SGPP2: variants seen among roughly 807,000 people sequenced by gnomAD.
SGPP2 encodes the protein sphingosine-1-phosphate phosphatase 2.
A neutral mutation model predicts 33.9 loss-of-function variants in SGPP2; 30 were observed. The ratio of observed to expected loss-of-function variants is 0.89; its 90% CI spans 0.66 to 1.20. The LOEUF (loss-of-function observed/expected upper bound fraction) is 1.20, where lower values mean the gene tolerates loss of function less well. SGPP2 is among the 50% of genes most tolerant of loss of function. The probability of loss-of-function intolerance (pLI) is 0.00; values close to 1 mark genes in which losing one functional copy is unlikely to be tolerated. For synonymous variants in SGPP2, 233 were observed against 225.0 expected, an observed-to-expected ratio of 1.04 and a Z score of -0.32; for missense variants, 458 against 532.1, an observed-to-expected ratio of 0.86 and a Z score of 1.37.
chr2:222,425,124 A>G (rs1187619921), intron 1 of SGPP2, among the ~76,000 whole-genome samples: 1 of 152,226 alleles, frequency 6.6e-6, no homozygotes, highest in Non-Finnish European at 1.5e-5. Flanking sequence ...CAAATATGTA[A>G]GAGTTACGTA....
At chr2:222,529,549 G>C (rs1184322081) in intron 4 of SGPP2, among the ~76,000 whole-genome samples, 1 of 152,024 alleles carries the variant, frequency 6.6e-6, no homozygotes, top group Non-Finnish European at 1.5e-5. Context: ...TGGCCAGGCT[G>C]GTCTTGAACC....
rs892896032 is a variant in SGPP2 at position 222,424,660 on chromosome 2, C to T, written c.58C>T (p.Arg20Cys). The change falls in exon 1 of 5, where the codon CGC becomes TGC. Residue 20 changes from arginine to cysteine, a missense_variant. Arg to Cys is a radical substitution (Grantham distance 180). Transcript: ENST00000321276. ...CCAGCTCGTCGCCCGCTTCCAGCGC[C>T]GCTGCGGGCTCTTCCCCGCTCCGGA... is the stretch of plus-strand genomic sequence containing the variant. Reference protein sequence around the residue: ...DSQLVARFQRRCGLFPAPDEG... With the variant: ...DSQLVARFQRCCGLFPAPDEG... 18 of 1,440,144 alleles carry T rather than the reference C, an allele frequency of 1.2e-5. No homozygotes were observed. The highest frequency in any genetic ancestry group is 1.2e-4 in the Admixed American group (5 of 40,690). The allele number at this position is 1,440,144 out of a possible 1,614,324, so 89.2% of individuals were successfully genotyped here.
chr2:222,468,305 A>G (rs1204801487), intron 1 of SGPP2, among the ~76,000 whole-genome samples: 2 of 152,014 alleles, frequency 1.3e-5, no homozygotes, highest in Admixed American at 1.3e-4. Context: ...AGTACTTTCA[A>G]TGAGTACTTT....
intron 1 of SGPP2, among the ~76,000 whole-genome samples, chr2:222,440,229 T>C (rs1697303630): frequency 6.6e-6 from 1 of 152,246 alleles, no homozygotes; most frequent in South Asian, 2.1e-4. Context: ...CACTGACTGC[T>C]GCTATGTGCC....
At chr2:222,434,844 T>C (rs925453257) in intron 1 of SGPP2, among the ~76,000 whole-genome samples, 2 of 151,734 alleles carry the variant, frequency 1.3e-5, no homozygotes, top group Non-Finnish European at 2.9e-5. Flanking sequence ...TGAAAGATAA[T>C]TAAAGGGTGG....
At chr2:222,487,184 G>A (rs992534681) in intron 2 of SGPP2, among the ~76,000 whole-genome samples, 3 of 152,188 alleles carry the variant, frequency 2.0e-5, no homozygotes, top group South Asian at 2.1e-4. Flanking sequence ...AGGATGGTTT[G>A]TTCCTCTTAA....
intron 4 of SGPP2, among the ~76,000 whole-genome samples, chr2:222,528,453 A>T (rs1698792741): frequency 6.6e-6 from 1 of 152,218 alleles, no homozygotes; most frequent in South Asian, 2.1e-4. Flanking sequence ...CAATGTACAT[A>T]TAATATCTTA....
chr2:222,450,489 T>C (rs151000429), intron 1 of SGPP2, among the ~76,000 whole-genome samples: 209 of 152,324 alleles, frequency 1.4e-3, no homozygotes, highest in African/African-American at 4.5e-3. Flanking sequence ...AGAAATCAAC[T>C]GGACATAGCT....
At chr2:222,462,661 C>T (rs1697681322) in intron 1 of SGPP2, among the ~76,000 whole-genome samples, 1 of 152,086 alleles carries the variant, frequency 6.6e-6, no homozygotes, top group Non-Finnish European at 1.5e-5. Flanking sequence ...ATACATAGCA[C>T]CACCTGCACT....
intron 2 of SGPP2, among the ~76,000 whole-genome samples, chr2:222,486,653 A>C (rs962515716): frequency 6.6e-6 from 1 of 152,160 alleles, no homozygotes; most frequent in Non-Finnish European, 1.5e-5. Context: ...TCTTGAGCGA[A>C]GTGTAGGCAC....
chr2:222,451,493 G>A (rs960123920), intron 1 of SGPP2, among the ~76,000 whole-genome samples: 1 of 152,190 alleles, frequency 6.6e-6, no homozygotes, highest in Non-Finnish European at 1.5e-5. Flanking sequence ...AACCCTACAC[G>A]CTCTGTGTGG....
At chr2:222,485,023 A>G (rs1698083733) in intron 2 of SGPP2, among the ~76,000 whole-genome samples, 1 of 152,210 alleles carries the variant, frequency 6.6e-6, no homozygotes, top group Non-Finnish European at 1.5e-5. Flanking sequence ...TTTACACTCA[A>G]GAACCCATTT....
intron 4 of SGPP2, among the ~76,000 whole-genome samples, chr2:222,528,575 G>A (rs975219634): frequency 1.2e-4 from 19 of 152,106 alleles, no homozygotes; most frequent in Non-Finnish European, 2.1e-4. Context: ...TGCTGACTGC[G>A]TAGGGTGGTC....
intron 2 of SGPP2, among the ~76,000 whole-genome samples, chr2:222,486,359 G>A (rs1303316197): frequency 1.3e-5 from 2 of 152,040 alleles, no homozygotes; most frequent in East Asian, 3.8e-4. Flanking sequence ...ATTATTATTA[G>A]CATCATCGTT....
chr2:222,427,914 C>G (rs1697096670), intron 1 of SGPP2, among the ~76,000 whole-genome samples: 1 of 152,150 alleles, frequency 6.6e-6, no homozygotes, highest in Admixed American at 6.5e-5. Context: ...CTTGTACAAG[C>G]CTGTCATTGA....
At position 222,514,012 on chromosome 2, in the gene SGPP2, C is replaced by A. The variant is rs201110559; in HGVS notation, c.379-7755C>A. 7.2e-5 allele frequency among the ~76,000 whole-genome samples: 11 copies of A among 152,254 alleles called. No individual in the cohort carries two copies. In the East Asian group the frequency reaches 2.1e-3, roughly 29 times the overall value. ...GCTCACTAAATTTAAAATAATAGCACCTCCTGTTATATTCTAAATATATTG... is the reference window on the plus strand; with the variant it reads ...GCTCACTAAATTTAAAATAATAGCAACTCCTGTTATATTCTAAATATATTG... On this transcript the variant is annotated intron_variant, in intron 2 of 4. Transcript: ENST00000321276.
chr2:222,467,524 C>G (rs1008319414), intron 1 of SGPP2, among the ~76,000 whole-genome samples: 2 of 152,112 alleles, frequency 1.3e-5, no homozygotes, highest in Non-Finnish European at 2.9e-5. Context: ...GGGTAGGGAG[C>G]ATAGGTAGCT....
intron 2 of SGPP2, among the ~76,000 whole-genome samples, chr2:222,485,653 A>G (rs1279517955): frequency 6.6e-6 from 1 of 151,934 alleles, no homozygotes; most frequent in Non-Finnish European, 1.5e-5. Flanking sequence ...GGGACTGGGT[A>G]TTTTTCTTGT....
chr2:222,514,236 A>C (rs12475434), intron 2 of SGPP2, among the ~76,000 whole-genome samples: 3,814 of 152,362 alleles, frequency 0.025, 62 homozygotes, highest in South Asian at 0.047. Flanking sequence ...TATCACTATG[A>C]ATGTGCCAAT....
Sources: allele counts gnomAD v4.1 joint callset (sites outside exome capture counted in the v4.1 genomes callset), GRCh38; gene constraint gnomAD v4.1.1; transcripts MANE v1.5; gene names NCBI Gene and HGNC (gene_info 2026-07-23, HGNC 2026-07-21).